The following ITM2B variants were observed in gnomAD, a reference collection of about 807,000 sequenced individuals.
ITM2B encodes the protein integral membrane protein 2B.
ITM2B carries 11 observed loss-of-function variants against 27.8 expected under a neutral mutation model. The ratio of observed to expected loss-of-function variants is 0.40; its 90% confidence interval spans 0.25 to 0.66. The LOEUF is 0.66. Ranked by LOEUF, ITM2B falls within the 30% of genes least tolerant of loss-of-function variation. The pLI is 0.43. For synonymous variants in ITM2B, 114 were observed against 114.3 expected (o/e 1.00, Z 0.02); for missense variants, 296 against 328.9 (o/e 0.90, Z 0.77).
At chr13:48,250,488 G>A (rs1951749092) in intron 1 of ITM2B, among the ~76,000 whole-genome samples, 1 of 151,996 alleles carries the variant, frequency 6.6e-6, no homozygotes, top group Non-Finnish European at 1.5e-5. Context: ...TGTGGTGGCG[G>A]GCGCCTGTAG....
intron 1 of ITM2B, among the ~76,000 whole-genome samples, chr13:48,235,259 C>G (rs2137976210): frequency 6.6e-6 from 1 of 152,288 alleles, no homozygotes; most frequent in East Asian, 1.9e-4. Context: ...CTCAAAATTG[C>G]TCACGAGTTC....
chr13:48,241,706 C>G (rs1420115393), intron 1 of ITM2B, among the ~76,000 whole-genome samples: 1 of 152,154 alleles, frequency 6.6e-6, no homozygotes, highest in South Asian at 2.1e-4. Flanking sequence ...TTCGGCAGTG[C>G]CCTTTATTGA....
In ITM2B at chr13:48,262,277, C is replaced by G. The variant is rs189972734; in HGVS notation, c.*1053C>G. ...AGGTTGCTTCCTCTCTGAAATAATT[C>G]AGAATCCACCCCCATTTAATAAAAT... is the stretch of plus-strand genomic sequence containing the variant. On this transcript the variant is annotated 3_prime_UTR_variant, in exon 6 of 6. Coordinates refer to ENST00000647800, the MANE Select transcript of ITM2B (RefSeq NM_021999.5). 3.9e-5 allele frequency: 6 copies of G among 152,154 alleles called. No individual in the cohort carries two copies. Among genetic ancestry groups the G allele is most frequent in the Admixed American group, 3.9e-4 (6 of 15,264 alleles). 9.4% of individuals were successfully genotyped at this position (152,154 alleles called of 1,614,324 possible). A position where few individuals can be genotyped will look rare whatever the true frequency, so the allele number is the denominator to read the frequency against.
chr13:48,249,733 A>G (rs1332869470), intron 1 of ITM2B, among the ~76,000 whole-genome samples: 1 of 152,140 alleles, frequency 6.6e-6, no homozygotes, highest in Non-Finnish European at 1.5e-5. Context: ...ATTAAGTATG[A>G]GGCTTTCTAT....
In ITM2B at chr13:48,270,268, C is replaced by T. The variant is rs1277026329; in HGVS notation, c.*9044C>T. ...GCCATGACCACACTACCTTATTTTT[C>T]TCTATAGTACTTATCACCATCTGAC... On this transcript the variant is annotated 3_prime_UTR_variant, in exon 6 of 6. Transcript: ENST00000647800. 6.6e-6 allele frequency: 1 copy of T among 152,178 alleles called. No homozygotes were observed. Among genetic ancestry groups the T allele is most frequent in the Non-Finnish European group, 1.5e-5 (1 of 68,032 alleles). The allele number at this position is 152,178 out of a possible 1,614,324, so 9.4% of individuals were successfully genotyped here.
At chr13:48,233,554 G>T in intron 1 of ITM2B, 77 bp downstream of exon 1, 1 of 957,500 alleles carries the variant, frequency 1.0e-6, no homozygotes, top group Non-Finnish European at 1.5e-6. Flanking sequence ...GCGGCAGTGC[G>T]CCCCGAGGTG....
In ITM2B at chr13:48,261,239, CATT is replaced by C. The variant is rs1220862550; in HGVS notation, c.*19_*21del. On this transcript the variant is annotated 3_prime_UTR_variant, in exon 6 of 6. Transcript: ENST00000647800. Reference sequence around the variant, plus strand: ...TTTGTTCTTGAACAGTCAAGAAAAACATTATTGAGGAAAATTAATATCACAGCA... The same window carrying C: ...TTTGTTCTTGAACAGTCAAGAAAAACATTGAGGAAAATTAATATCACAGCA... 1.9e-6 allele frequency: 3 copies of C among 1,550,078 alleles called. No individual in the cohort carries two copies. Among genetic ancestry groups the C allele is most frequent in the Non-Finnish European group, 2.7e-6 (3 of 1,122,296 alleles).
chr13:48,262,073 A>T lies in ITM2B; in HGVS notation c.*849A>T, dbSNP rs1192678585. 1 of 152,192 alleles carries T rather than the reference A, an allele frequency of 6.6e-6. No individual in the cohort carries two copies. Among genetic ancestry groups the T allele is most frequent in the Non-Finnish European group, 1.5e-5 (1 of 68,018 alleles). The allele number at this position is 152,192 out of a possible 1,614,324, so 9.4% of individuals were successfully genotyped here. A position where few individuals can be genotyped will look rare whatever the true frequency, so the allele number is the denominator to read the frequency against. ...CCAGATTCTTTGTGGATACTATTAA[A>T]GTAACATTTAAGCCTCAACCTTGAA... On this transcript the variant is annotated 3_prime_UTR_variant, in exon 6 of 6. Transcript: ENST00000647800.
In ITM2B at chr13:48,233,275, G is replaced by T; in HGVS notation, c.-86G>T. ...CGCCCGGAGCCGCTCCCGGAGCCCG[G>T]CCGTAGAGGCTGCAATCGCAGCCGG... On this transcript the variant is annotated 5_prime_UTR_variant, in exon 1 of 6. Transcript: ENST00000647800. The T allele has an allele frequency of 1.2e-6, 1 of 836,046 alleles. No homozygotes were observed. The highest frequency in any genetic ancestry group is 1.9e-6 in the Non-Finnish European group (1 of 538,204). 51.8% of individuals were successfully genotyped at this position (836,046 alleles called of 1,614,324 possible). A position where few individuals can be genotyped will look rare whatever the true frequency, so the allele number is the denominator to read the frequency against.
At chr13:48,258,553 A>G (rs1331645395) in intron 4 of ITM2B, among the ~76,000 whole-genome samples, 4 of 152,176 alleles carry the variant, frequency 2.6e-5, no homozygotes, top group Admixed American at 2.0e-4. Context: ...TATAAAAACA[A>G]GCCGGGGGCG....
Position 48,236,486 on chromosome 13 carries a change from T to TC in ITM2B, c.117+3011dup, listed in dbSNP as rs139973671. 4.0e-3 allele frequency among the ~76,000 whole-genome samples: 611 copies of TC among 152,314 alleles called. 6 individuals carry two copies. Among genetic ancestry groups the TC allele is most frequent in the African/African-American group, 0.014 (579 of 41,564 alleles). On this transcript the variant is annotated intron_variant, in intron 1 of 5. Transcript: ENST00000647800. ...GGACCAGATGGCCTGTAAGGATTCTTCCAGTTTCAAAAATCTATGAAGATG... is the reference window on the plus strand; with the variant it reads ...GGACCAGATGGCCTGTAAGGATTCTTCCCAGTTTCAAAAATCTATGAAGATG...
Position 48,269,911 on chromosome 13 carries a change from C to G in ITM2B, c.*8687C>G, listed in dbSNP as rs144725706. The G allele has an allele frequency of 6.6e-6, 1 of 152,350 alleles. No homozygotes were observed. The highest frequency in any genetic ancestry group is 2.4e-5 in the African/African-American group (1 of 41,566). The allele number at this position is 152,350 out of a possible 1,614,324, so 9.4% of individuals were successfully genotyped here. ...AATGACTAGGACTTGGCTCAAGATT[C>G]CTCAAACAGCCAATAAACAATGCAA... On this transcript the variant is annotated 3_prime_UTR_variant, in exon 6 of 6. Coordinates refer to ENST00000647800, the MANE Select transcript of ITM2B (RefSeq NM_021999.5).
intron 2 of ITM2B, chr13:48,254,824 A>G (rs934499026): frequency 6.6e-6 from 1 of 152,192 alleles, no homozygotes; most frequent in African/African-American, 2.4e-5. Context: ...TACATATAGT[A>G]TAGAAAAAAT....
intron 1 of ITM2B, among the ~76,000 whole-genome samples, chr13:48,234,475 G>C (rs768890659): frequency 3.9e-5 from 6 of 152,104 alleles, no homozygotes; most frequent in Non-Finnish European, 7.4e-5. Context: ...CATTTTTCAA[G>C]ACCTATTATC....
chr13:48,258,278 A>G (rs1301714017), intron 4 of ITM2B, 42 bp downstream of exon 4: 3 of 973,802 alleles, frequency 3.1e-6, no homozygotes, highest in Admixed American at 1.7e-5. Context: ...ATGCCTTCAT[A>G]GTGTTCTGGA....
intron 1 of ITM2B, among the ~76,000 whole-genome samples, chr13:48,248,084 GT>G (rs1204301112): frequency 2.6e-5 from 4 of 151,864 alleles, no homozygotes; most frequent in South Asian, 4.1e-4. Flanking sequence ...CTTGTTAGTG[GT>G]TTTTTTCTTT....
rs1472421614 is a variant in ITM2B at position 48,266,199 on chromosome 13, C to G, written c.*4975C>G. The G allele has an allele frequency of 2.6e-5, 4 of 152,112 alleles. No individual in the cohort carries two copies. The highest frequency in any genetic ancestry group is 9.7e-5 in the African/African-American group (4 of 41,408). The allele number at this position is 152,112 out of a possible 1,614,324, so 9.4% of individuals were successfully genotyped here. ...TGCACTTAAGAGAAAATCCTTTTTT[C>G]AAGCCCTAAAATCCTGCCCTCACTA... On this transcript the variant is annotated 3_prime_UTR_variant, in exon 6 of 6. Coordinates refer to ENST00000647800, the MANE Select transcript of ITM2B (RefSeq NM_021999.5).
rs572034694 is a variant in ITM2B at position 48,246,041 on chromosome 13, G to A, written c.118-7767G>A. Among the ~76,000 whole-genome samples the A allele has an allele frequency of 2.6e-5, 4 of 152,282 alleles. No homozygotes were observed. In the East Asian group the frequency reaches 7.7e-4, roughly 29 times the overall value. On this transcript the variant is annotated intron_variant, in intron 1 of 5. Transcript: ENST00000647800. ...GATCCACCCGCTTCAGCCTCCCAAA[G>A]TGTTGGGATTACAGGCGTGAGCCAC...
intron 1 of ITM2B, among the ~76,000 whole-genome samples, chr13:48,240,968 T>G (rs541606758): frequency 1.1e-3 from 167 of 152,354 alleles, no homozygotes; most frequent in African/African-American, 3.7e-3. Flanking sequence ...CCCCATAGAT[T>G]AATTCAAAGC....
Sources: allele counts gnomAD v4.1 joint callset (sites outside exome capture counted in the v4.1 genomes callset), GRCh38; gene constraint gnomAD v4.1.1; transcripts MANE v1.5; gene names NCBI Gene and HGNC (gene_info 2026-07-23, HGNC 2026-07-21).